SH2D4B: variants seen among roughly 807,000 people sequenced by gnomAD.
The protein encoded by SH2D4B is SH2 domain-containing protein 4B.
Under a neutral mutation model 61.5 loss-of-function variants are expected in SH2D4B, and 45 were observed. That is an observed-to-expected ratio of 0.73 (90% CI 0.58 to 0.94). The LOEUF is 0.94. Ranked by LOEUF, SH2D4B falls within the 40% of genes least tolerant of loss-of-function variation. The pLI, the probability that SH2D4B is intolerant of heterozygous loss-of-function variation, is 0.00. For missense variants in SH2D4B, 572 were observed against 574.2 expected, an observed-to-expected ratio of 1.00 and a Z score of 0.04; for synonymous variants, 224 against 220.4, an observed-to-expected ratio of 1.02 and a Z score of -0.14.
At chr10:80,560,088 C>T (rs141022290) in intron 1 of SH2D4B, among the ~76,000 whole-genome samples, 7,620 of 146,962 alleles carry the variant, frequency 0.052, 633 homozygotes, top group African/African-American at 0.18. Context: ...CCCAGGTTCA[C>T]GCTATTCTCC....
chr10:80,611,383 G>A (rs80279502), intron 6 of SH2D4B, among the ~76,000 whole-genome samples: 5,033 of 152,042 alleles, frequency 0.033, 251 homozygotes, highest in African/African-American at 0.11. Context: ...TATGACCACC[G>A]TCCACTTTCA....
chr10:80,630,783 G>A (rs889137764), intron 6 of SH2D4B, among the ~76,000 whole-genome samples: 6 of 152,192 alleles, frequency 3.9e-5, no homozygotes, highest in African/African-American at 1.4e-4. Flanking sequence ...CTGGAGTGAA[G>A]GGGGCTGGGA....
chr10:80,538,873 C>T lies in SH2D4B; in HGVS notation c.184+358C>T, dbSNP rs1161862404. Among the ~76,000 whole-genome samples, 1 of 152,232 alleles carries T rather than the reference C, an allele frequency of 6.6e-6. No homozygotes were observed. Among genetic ancestry groups the T allele is most frequent in the African/African-American group, 2.4e-5 (1 of 41,460 alleles). On this transcript the variant is annotated intron_variant, in intron 1 of 7. Coordinates refer to ENST00000646907, the MANE Select transcript of SH2D4B (RefSeq NM_001388272.1). The surrounding 1 kb of genome is among the most constrained non-coding windows in gnomAD (Gnocchi z 4.8). The stretch of plus-strand genomic sequence containing the variant: ...AGGGTGAACGACGGCATATTTGTGA[C>T]CCTTGCCATTGGTTCTGGGCCAGAG...
chr10:80,552,891 C>CTT lies in SH2D4B; in HGVS notation c.184+14377_184+14378insTT, dbSNP rs71959034. ...TTTCTCCCCCTCTCTCTCTTTCTTT[C>CTT]TCTCTCTCTCTCTCTCTTGCTCTCT... On this transcript the variant is annotated intron_variant, in intron 1 of 7. Transcript: ENST00000646907. 8.9e-3 allele frequency among the ~76,000 whole-genome samples: 1,311 copies of CTT among 147,740 alleles called. 13 individuals are homozygous for CTT. The highest frequency in any genetic ancestry group is 0.031 in the African/African-American group (1,236 of 39,642).
At chr10:80,603,896 T>A in intron 5 of SH2D4B, 101 bp downstream of exon 5, 3 of 1,069,034 alleles carry the variant, frequency 2.8e-6, no homozygotes, top group Non-Finnish European at 4.0e-6. Flanking sequence ...ATTTGCTGTG[T>A]AGTTTGGGGC....
In SH2D4B at chr10:80,538,535, A is replaced by G. The variant is rs150879511; in HGVS notation, c.184+20A>G. 1.7e-3 allele frequency: 2,364 copies of G among 1,360,296 alleles called. 25 individuals are homozygous for G. In the African/African-American group the frequency reaches 0.026, roughly 15 times the overall value. The allele number at this position is 1,360,296 out of a possible 1,614,324, so 84.3% of individuals were successfully genotyped here. A position where few individuals can be genotyped will look rare whatever the true frequency, so the allele number is the denominator to read the frequency against. On this transcript the variant is annotated intron_variant, in intron 1 of 7. Transcript: ENST00000646907. This position sits in a 1 kb window ranked among gnomAD's most constrained non-coding sequence, Gnocchi z 4.8. The stretch of plus-strand genomic sequence containing the variant: ...AGCGAGGTACGTGGCTGGGAGTCAC[A>G]GAGAGGTAGGCCACCAGTCCCCCAG...
chr10:80,552,375 G>A (rs976819887), intron 1 of SH2D4B, among the ~76,000 whole-genome samples: 3 of 152,184 alleles, frequency 2.0e-5, no homozygotes, highest in African/African-American at 7.2e-5. Context: ...TGCCTCTCCT[G>A]CGCTACTTCA....
At chr10:80,623,006 C>T (rs1404644435) in intron 6 of SH2D4B, among the ~76,000 whole-genome samples, 1 of 152,188 alleles carries the variant, frequency 6.6e-6, no homozygotes, top group Non-Finnish European at 1.5e-5. Flanking sequence ...ACCTCCTCTC[C>T]CGGGTTCAAG....
chr10:80,575,231 A>G (rs1353659195), intron 3 of SH2D4B, among the ~76,000 whole-genome samples: 1 of 151,794 alleles, frequency 6.6e-6, no homozygotes, highest in Non-Finnish European at 1.5e-5. Flanking sequence ...GTGAATTTAA[A>G]TGGAGAATAT....
rs143310559 is a variant in SH2D4B, at chr10:80,560,932, A to G, written c.185-9222A>G. On this transcript the variant is annotated intron_variant, in intron 1 of 7. Transcript: ENST00000646907. ...AGTGAGTGAATCTTTGGTGGTAGTC[A>G]TTGTATTTTTCACCATCACACACTC... Among the ~76,000 whole-genome samples the G allele has an allele frequency of 1.4e-3, 208 of 152,192 alleles. 7 individuals are homozygous for G. In the East Asian group the frequency reaches 0.036, roughly 26 times the overall value.
chr10:80,584,208 T>C (rs1016853230), intron 3 of SH2D4B, among the ~76,000 whole-genome samples: 1 of 152,140 alleles, frequency 6.6e-6, no homozygotes, highest in Admixed American at 6.5e-5. Flanking sequence ...GGCAGAGTGG[T>C]CAAGAAAGAA....
intron 1 of SH2D4B, among the ~76,000 whole-genome samples, chr10:80,556,172 G>C (rs1207412332): frequency 6.6e-6 from 1 of 151,024 alleles, no homozygotes; most frequent in East Asian, 1.9e-4. Flanking sequence ...AATTTTTCTA[G>C]TACTATTTGT....
At chr10:80,567,029 A>G (rs935583831) in intron 1 of SH2D4B, among the ~76,000 whole-genome samples, 5 of 152,224 alleles carry the variant, frequency 3.3e-5, no homozygotes, top group African/African-American at 9.6e-5. Flanking sequence ...ATGAAGGTTT[A>G]TTACTTAACT....
At chr10:80,613,747 G>T (rs1310716587) in intron 6 of SH2D4B, among the ~76,000 whole-genome samples, 1 of 152,196 alleles carries the variant, frequency 6.6e-6, no homozygotes, top group African/African-American at 2.4e-5. Context: ...CAGCAGTGAG[G>T]GGCAGCTTTC....
intron 4 of SH2D4B, among the ~76,000 whole-genome samples, chr10:80,593,468 G>A (rs1399723321): frequency 6.6e-6 from 1 of 152,164 alleles, no homozygotes; most frequent in African/African-American, 2.4e-5. Context: ...ATTATAAATA[G>A]AATAGTTTTC....
chr10:80,630,315 G>T (rs905158616), intron 6 of SH2D4B, among the ~76,000 whole-genome samples: 1 of 152,150 alleles, frequency 6.6e-6, no homozygotes, highest in African/African-American at 2.4e-5. Context: ...GATCCTGAAG[G>T]GCATGATGCT....
chr10:80,625,344 TGTG>T (rs2132155419), intron 6 of SH2D4B, among the ~76,000 whole-genome samples: 1 of 152,346 alleles, frequency 6.6e-6, no homozygotes, highest in South Asian at 2.1e-4. Flanking sequence ...CAGGAACCCC[TGTG>T]GATACCAAGA....
chr10:80,578,385 T>C (rs559374417), intron 3 of SH2D4B, among the ~76,000 whole-genome samples: 1 of 151,502 alleles, frequency 6.6e-6, no homozygotes, highest in South Asian at 2.1e-4. Context: ...AGGGGAGAAA[T>C]AAACTACCAG....
intron 1 of SH2D4B, among the ~76,000 whole-genome samples, chr10:80,568,743 T>C (rs1842002735): frequency 1.3e-5 from 2 of 152,220 alleles, no homozygotes; most frequent in Admixed American, 1.3e-4. Context: ...CTGTATTTGT[T>C]CTATTCCCTT....
Sources: allele counts gnomAD v4.1 joint callset (sites outside exome capture counted in the v4.1 genomes callset), GRCh38; gene constraint gnomAD v4.1.1; non-coding constraint Gnocchi (gnomAD v3.1); transcripts MANE v1.5; gene names NCBI Gene and HGNC (gene_info 2026-07-23, HGNC 2026-07-21).